The following FIP1L1 variants were observed in gnomAD, a reference collection of about 807,000 sequenced individuals.
The protein encoded by FIP1L1 is pre-mRNA 3'-end-processing factor FIP1.
FIP1L1 carries 21 observed loss-of-function variants against 84.6 expected under a neutral mutation model. The ratio of observed to expected loss-of-function variants is 0.25; its 90% confidence interval spans 0.18 to 0.36. The LOEUF (loss-of-function observed/expected upper bound fraction) is 0.36. FIP1L1 is among the 10% of genes least tolerant of loss of function. FIP1L1 has a pLI of 1.00. For missense variants in FIP1L1, 526 were observed against 751.1 expected (o/e 0.70, Z 3.50); for synonymous variants, 263 against 242.3 (o/e 1.09, Z -0.80).
chr4:53,413,368 C>G (rs1274238479), intron 10 of FIP1L1, among the ~76,000 whole-genome samples: 9 of 152,036 alleles, frequency 5.9e-5, no homozygotes, highest in Non-Finnish European at 1.3e-4. Flanking sequence ...TTTCAGCACT[C>G]AGAGCTAGGA....
chr4:53,455,438 T>C (rs1185007211), intron 16 of FIP1L1, among the ~76,000 whole-genome samples: 4 of 152,160 alleles, frequency 2.6e-5, no homozygotes, highest in Admixed American at 1.3e-4. Context: ...TTCCTTTCAC[T>C]TGAAGGCGTA....
chr4:53,427,986 A>G, intron 12 of FIP1L1, 41 bp from the exon 13 acceptor site: 1 of 1,425,550 alleles, frequency 7.0e-7, no homozygotes, highest in Non-Finnish European at 9.7e-7. Context: ...ATCTTACATA[A>G]TATTTATGCA....
At chr4:53,386,849 T>C (rs1270930966) in intron 5 of FIP1L1, among the ~76,000 whole-genome samples, 1 of 152,172 alleles carries the variant, frequency 6.6e-6, no homozygotes, top group Non-Finnish European at 1.5e-5. Context: ...TTTAGTCTTT[T>C]AGCTGCCCAA....
At chr4:53,388,582 G>A (rs557622733) in intron 5 of FIP1L1, among the ~76,000 whole-genome samples, 14 of 152,190 alleles carry the variant, frequency 9.2e-5, no homozygotes, top group Admixed American at 5.9e-4. Flanking sequence ...TGATCCACCC[G>A]CCTCGGCCTC....
At position 53,459,435 on chromosome 4, in the gene FIP1L1, A is replaced by G; in HGVS notation, c.1771A>G (p.Thr591Ala). ...CCCTGAACAGGAGAGCACCGAAGCT[A>G]CACCTGCAGAATAGGCATGGTTTTG... ...PAPEQESTEATPAE is the reference protein window; with the variant it reads ...PAPEQESTEAAPAE The change falls in exon 18 of 18, where the codon ACA becomes GCA. Residue 591 changes from threonine to alanine, a missense_variant. Physicochemically the swap from Thr to Ala is moderately conservative, Grantham distance 58. This residue lies in a region of FIP1L1 where 89 missense variants were observed against 169.0 expected (regional missense o/e 0.53). Coordinates refer to ENST00000337488, the MANE Select transcript of FIP1L1 (RefSeq NM_030917.4). 1 of 1,613,672 alleles carries G rather than the reference A, an allele frequency of 6.2e-7. No individual in the cohort carries two copies. Among genetic ancestry groups the G allele is most frequent in the East Asian group, 2.2e-5 (1 of 44,880 alleles).
At chr4:53,421,865 A>G (rs1762549767) in intron 11 of FIP1L1, among the ~76,000 whole-genome samples, 1 of 152,218 alleles carries the variant, frequency 6.6e-6, no homozygotes, top group Admixed American at 6.5e-5. Context: ...TTATTTAGAA[A>G]TCAGGGACGT....
intron 11 of FIP1L1, among the ~76,000 whole-genome samples, chr4:53,424,669 A>C (rs2149954601): frequency 6.6e-6 from 1 of 152,238 alleles, no homozygotes; most frequent in Admixed American, 6.5e-5. Flanking sequence ...GCACAAAATA[A>C]TTTGTGGAGT....
At chr4:53,406,837 T>C (rs1207120231) in intron 10 of FIP1L1, among the ~76,000 whole-genome samples, 3 of 152,254 alleles carry the variant, frequency 2.0e-5, no homozygotes, top group Non-Finnish European at 4.4e-5. Flanking sequence ...TTTGTATTTC[T>C]GTGGGATCGG....
chr4:53,451,751 A>T (rs543190782), intron 15 of FIP1L1, among the ~76,000 whole-genome samples: 9 of 151,342 alleles, frequency 5.9e-5, no homozygotes, highest in Non-Finnish European at 8.8e-5. Context: ...TTTAAAAAAA[A>T]CTCTGCTATT....
intron 10 of FIP1L1, among the ~76,000 whole-genome samples, chr4:53,409,255 G>T (rs1263252306): frequency 6.6e-6 from 1 of 152,174 alleles, no homozygotes; most frequent in Non-Finnish European, 1.5e-5. Flanking sequence ...TTTGCTGGAG[G>T]TCTACTCCAG....
chr4:53,438,791 C>G (rs1187007498), intron 13 of FIP1L1, among the ~76,000 whole-genome samples: 1 of 152,134 alleles, frequency 6.6e-6, no homozygotes. Flanking sequence ...AGTTTAACAA[C>G]TTAAATGTTT....
rs762983529 is a variant in FIP1L1, at chr4:53,442,657, T to C, written c.1179T>C (p.Phe393=). The C allele has an allele frequency of 3.7e-6, 6 of 1,600,792 alleles. No homozygotes were observed. Among genetic ancestry groups the C allele is most frequent in the Non-Finnish European group, 8.6e-7 (1 of 1,168,280 alleles). ...TAPPLIPPPG[F]PPPPGAPPPS... is the part of the protein sequence containing the mutation. ...TCTTATGATTGAATGTTTCAGGTTT[T>C]CCTCCTCCACCAGGCGCTCCACCTC... Residue 393 remains phenylalanine (F), a synonymous_variant, in exon 14 of 18, where the codon TTT becomes TTC. Transcript: ENST00000337488.
chr4:53,404,110 C>T (rs1751800885), intron 10 of FIP1L1, among the ~76,000 whole-genome samples: 1 of 151,472 alleles, frequency 6.6e-6, no homozygotes, highest in Admixed American at 6.6e-5. Context: ...GCTGCACCCA[C>T]TAACTCGTCA....
chr4:53,440,264 A>G (rs925247785), intron 13 of FIP1L1, among the ~76,000 whole-genome samples: 1 of 152,046 alleles, frequency 6.6e-6, no homozygotes, highest in Non-Finnish European at 1.5e-5. Flanking sequence ...ATTGATTATC[A>G]TATTTAGTAA....
At chr4:53,417,043 G>A (rs1314232680) in intron 11 of FIP1L1, among the ~76,000 whole-genome samples, 2 of 152,010 alleles carry the variant, frequency 1.3e-5, no homozygotes, top group Admixed American at 6.6e-5. Flanking sequence ...TTAACATCTG[G>A]AATTCCTTTT....
At chr4:53,425,837 G>A (rs35792361) in intron 11 of FIP1L1, 35 bp from the exon 12 acceptor site, 64,316 of 1,443,844 alleles carry the variant, frequency 0.045, 1,676 homozygotes, top group Non-Finnish European at 0.051. Context: ...CATCTAATTA[G>A]GTGAAACTGA....
intron 16 of FIP1L1, among the ~76,000 whole-genome samples, chr4:53,457,751 G>T (rs1389761612): frequency 6.6e-6 from 1 of 152,060 alleles, no homozygotes; most frequent in African/African-American, 2.4e-5. Flanking sequence ...ATGTTAAGTT[G>T]TAGAAAGTGT....
At chr4:53,439,550 C>CT (rs1363775140) in intron 13 of FIP1L1, among the ~76,000 whole-genome samples, 2 of 151,810 alleles carry the variant, frequency 1.3e-5, no homozygotes, top group African/African-American at 4.8e-5. Flanking sequence ...AATTCTGTTT[C>CT]TTTTTTTGGC....
chr4:53,433,808 G>T (rs1387126820), intron 13 of FIP1L1, among the ~76,000 whole-genome samples: 5 of 152,194 alleles, frequency 3.3e-5, no homozygotes, highest in Non-Finnish European at 7.4e-5. Context: ...ATTTTAGAAA[G>T]AAGTAGATTT....
Sources: gnomAD v4.1 joint callset for allele counts (sites outside exome capture counted in the v4.1 genomes callset) on GRCh38, gnomAD v4.1.1 for gene constraint, gnomAD v4.1.1 regional missense constraint, MANE v1.5 for transcripts, NCBI Gene and HGNC (gene_info 2026-07-23, HGNC 2026-07-21) for gene names.